The following MAST4 variants were observed in gnomAD, a reference collection of about 807,000 sequenced individuals.
The protein encoded by MAST4 is microtubule associated serine/threonine kinase family member 4, also known as microtubule-associated serine/threonine-protein kinase 4.
In MAST4, 89 loss-of-function variants were observed where a neutral mutation model predicts 162.7. The ratio of observed to expected loss-of-function variants is 0.55; its 90% CI spans 0.46 to 0.65. MAST4 has a LOEUF of 0.65. Among genes scored for constraint, MAST4 ranks in the 30% least tolerant of loss-of-function variants. The pLI, the probability that MAST4 is intolerant of heterozygous loss-of-function variation, is 0.00. For synonymous variants in MAST4, 1,479 were observed against 1,361.1 expected (o/e 1.09, Z -1.91); for missense variants, 3,153 against 3,374.0 (o/e 0.93, Z 1.62).
intron 1 of MAST4, among the ~76,000 whole-genome samples, chr5:66,605,826 T>C (rs899267568): frequency 6.6e-6 from 1 of 152,182 alleles, no homozygotes; most frequent in African/African-American, 2.4e-5. Context: ...TTTTTCTCCT[T>C]AGAAACCTCA....
chr5:66,646,276 T>C (rs545598686), intron 1 of MAST4, among the ~76,000 whole-genome samples: 84 of 152,284 alleles, frequency 5.5e-4, no homozygotes, highest in African/African-American at 2.0e-3. Flanking sequence ...AAATCATTTT[T>C]ATTGTTTTTA....
chr5:66,817,977 C>T (rs914314642), intron 3 of MAST4, among the ~76,000 whole-genome samples: 8 of 152,106 alleles, frequency 5.3e-5, no homozygotes, highest in African/African-American at 1.9e-4. Context: ...ACTTCTTAAA[C>T]GTCTACTGTC....
intron 3 of MAST4, among the ~76,000 whole-genome samples, chr5:66,896,219 A>G (rs913268428): frequency 2.0e-5 from 3 of 152,050 alleles, no homozygotes; most frequent in Non-Finnish European, 4.4e-5. Context: ...AGGTCCCTCC[A>G]TTTGGGTTCA....
intron 4 of MAST4, among the ~76,000 whole-genome samples, chr5:66,975,385 T>C (rs1748007313): frequency 1.3e-5 from 2 of 152,174 alleles, no homozygotes; most frequent in African/African-American, 4.8e-5. Context: ...GACAGTGTGG[T>C]GAGCACTTTC....
intron 1 of MAST4, among the ~76,000 whole-genome samples, chr5:66,714,981 T>G (rs540080969): frequency 1.3e-5 from 2 of 152,226 alleles, no homozygotes; most frequent in South Asian, 4.1e-4. Flanking sequence ...TGGTCTTTGA[T>G]GTCAACAGAT....
chr5:66,673,523 G>GTT (rs1208217801), intron 1 of MAST4, among the ~76,000 whole-genome samples: 2,606 of 130,188 alleles, frequency 0.02, 69 homozygotes, highest in Admixed American at 0.031. Context: ...TTTGTTTTTT[G>GTT]TTTTTTGTTT....
chr5:66,950,953 C>T (rs77536263), intron 4 of MAST4, among the ~76,000 whole-genome samples: 1,667 of 152,266 alleles, frequency 0.011, 27 homozygotes, highest in African/African-American at 0.038. Flanking sequence ...CAAGGTTCAT[C>T]CACATTACTG....
intron 4 of MAST4, among the ~76,000 whole-genome samples, chr5:66,934,699 T>G (rs953578517): frequency 3.3e-5 from 5 of 152,104 alleles, no homozygotes; most frequent in Admixed American, 3.3e-4. Context: ...TTTTTTGGTA[T>G]TTGGCTTTGG....
intron 14 of MAST4, among the ~76,000 whole-genome samples, chr5:67,127,969 G>T (rs1768467326): frequency 6.6e-6 from 1 of 152,040 alleles, no homozygotes; most frequent in Non-Finnish European, 1.5e-5. Context: ...ACAATATATT[G>T]TTTCTGTTTT....
intron 1 of MAST4, among the ~76,000 whole-genome samples, chr5:66,715,828 C>G (rs1750805847): frequency 6.6e-6 from 1 of 150,490 alleles, no homozygotes; most frequent in African/African-American, 2.4e-5. Flanking sequence ...ATCAAATTAT[C>G]CTATCCATCT....
chr5:67,037,924 G>T (rs777183774), intron 4 of MAST4, among the ~76,000 whole-genome samples: 32 of 151,072 alleles, frequency 2.1e-4, no homozygotes, highest in Non-Finnish European at 4.6e-4. Context: ...CGTTCTTCTG[G>T]TGTTTGCCTG....
At chr5:67,021,830 TA>T (rs1754019056) in intron 4 of MAST4, among the ~76,000 whole-genome samples, 1 of 152,174 alleles carries the variant, frequency 6.6e-6, no homozygotes, top group Non-Finnish European at 1.5e-5. Context: ...TTTTTTATTT[TA>T]AAAAATGTAT....
At chr5:66,908,649 A>G (rs1213012009) in intron 4 of MAST4, among the ~76,000 whole-genome samples, 1 of 152,156 alleles carries the variant, frequency 6.6e-6, no homozygotes. Flanking sequence ...GATTGGGGGA[A>G]AGTTTTTTAG....
chr5:67,073,772 G>C (rs1021368156), intron 5 of MAST4, among the ~76,000 whole-genome samples: 4 of 152,112 alleles, frequency 2.6e-5, no homozygotes, highest in African/African-American at 9.7e-5. Context: ...ACTGGGAAAA[G>C]TATATGAAAA....
chr5:66,763,627 A>T (rs1753951941), intron 2 of MAST4, among the ~76,000 whole-genome samples: 2 of 152,218 alleles, frequency 1.3e-5, no homozygotes. Context: ...TTTAATATTG[A>T]AAGAGACTCA....
intron 4 of MAST4, among the ~76,000 whole-genome samples, chr5:66,932,965 T>G (rs1742333739): frequency 6.6e-6 from 1 of 152,166 alleles, no homozygotes; most frequent in Non-Finnish European, 1.5e-5. Flanking sequence ...AACATAGCTT[T>G]TCATAATTAT....
At chr5:66,642,019 C>T (rs895077625) in intron 1 of MAST4, among the ~76,000 whole-genome samples, 6 of 152,076 alleles carry the variant, frequency 3.9e-5, no homozygotes, top group East Asian at 1.9e-4. Context: ...AGAATATTAC[C>T]GTTTTGCACA....
intron 3 of MAST4, among the ~76,000 whole-genome samples, chr5:66,862,417 T>C (rs1760185673): frequency 6.6e-6 from 1 of 152,244 alleles, no homozygotes; most frequent in African/African-American, 2.4e-5. Context: ...TGCTGTGTTT[T>C]TGGAGCTTCA....
intron 1 of MAST4, among the ~76,000 whole-genome samples, chr5:66,656,137 G>GC (rs1365746425): frequency 2.6e-5 from 4 of 152,194 alleles, no homozygotes; most frequent in Admixed American, 2.0e-4. Flanking sequence ...CCACAGGTGG[G>GC]CCAGAGGCAC....
Sources: allele counts gnomAD v4.1 joint callset (sites outside exome capture counted in the v4.1 genomes callset), GRCh38; gene constraint gnomAD v4.1.1; transcripts MANE v1.5; gene names NCBI Gene and HGNC (gene_info 2026-07-23, HGNC 2026-07-21).